Variants in BMAL1 observed in about 807,000 individuals in gnomAD.
BMAL1 encodes the protein basic helix-loop-helix ARNT-like protein 1.
the BMAL1 span, among the ~76,000 whole-genome samples, chr11:13,317,501 T>C: frequency 6.6e-6 from 1 of 152,236 alleles, no homozygotes; most frequent in South Asian, 2.1e-4. Flanking sequence ...ATTATTTCAA[T>C]GGTCACTATT....
the BMAL1 span, chr11:13,366,673 G>C: frequency 6.2e-7 from 1 of 1,613,536 alleles, no homozygotes; most frequent in Non-Finnish European, 8.5e-7. Flanking sequence ...AGAATGATCT[G>C]ATTGGTCAGA....
At chr11:13,369,792 AC>A in the BMAL1 span, 1 of 1,599,604 alleles carries the variant, frequency 6.3e-7, no homozygotes, top group Non-Finnish European at 8.5e-7. Context: ...GTCCATTAAA[AC>A]CCTGTGACAG....
chr11:13,277,326 C>T, the BMAL1 span, among the ~76,000 whole-genome samples: 3 of 152,112 alleles, frequency 2.0e-5, no homozygotes, highest in Admixed American at 6.5e-5. Context: ...GGCAGGGGAC[C>T]CAGAGAAGAG....
chr11:13,283,664 A>G, the BMAL1 span, among the ~76,000 whole-genome samples: 6 of 152,132 alleles, frequency 3.9e-5, no homozygotes, highest in South Asian at 2.1e-4. Context: ...GCTGACAGCA[A>G]TTGGGAACCA....
At chr11:13,336,897 C>T in the BMAL1 span, among the ~76,000 whole-genome samples, 1 of 152,158 alleles carries the variant, frequency 6.6e-6, no homozygotes, top group South Asian at 2.1e-4. Flanking sequence ...TGTGTGATTT[C>T]CCTGTCCTTT....
At chr11:13,386,762 A>G in the BMAL1 span, 1 of 1,612,758 alleles carries the variant, frequency 6.2e-7, no homozygotes, top group African/African-American at 1.3e-5. Flanking sequence ...TGTAAACACT[A>G]CATGTTGCTT....
At chr11:13,337,174 C>T in the BMAL1 span, among the ~76,000 whole-genome samples, 2 of 152,122 alleles carry the variant, frequency 1.3e-5, no homozygotes, top group Non-Finnish European at 2.9e-5. Flanking sequence ...ATAAATAATT[C>T]ATGTCCAATA....
the BMAL1 span, among the ~76,000 whole-genome samples, chr11:13,342,641 G>A: frequency 6.6e-6 from 1 of 150,680 alleles, no homozygotes; most frequent in East Asian, 2.0e-4. Flanking sequence ...TTTGGCCCCT[G>A]ATTTTTTCCC....
At chr11:13,312,104 A>G in the BMAL1 span, among the ~76,000 whole-genome samples, 498 of 152,346 alleles carry the variant, frequency 3.3e-3, 3 homozygotes, top group African/African-American at 0.011. Context: ...CAAAAGCAAC[A>G]GTTGTAACTG....
At chr11:13,318,058 C>T in the BMAL1 span, among the ~76,000 whole-genome samples, 7 of 152,242 alleles carry the variant, frequency 4.6e-5, no homozygotes, top group Non-Finnish European at 8.8e-5. Flanking sequence ...TGTGGCAGTG[C>T]GGAAGAGTGG....
At chr11:13,284,077 G>GGTGT in the BMAL1 span, among the ~76,000 whole-genome samples, 2,553 of 85,562 alleles carry the variant, frequency 0.03, 263 homozygotes, top group African/African-American at 0.12. Flanking sequence ...ACAGTGTTGG[G>GGTGT]GTGTGTGTGT....
chr11:13,348,387 A>C, the BMAL1 span, among the ~76,000 whole-genome samples: 1 of 152,132 alleles, frequency 6.6e-6, no homozygotes, highest in Non-Finnish European at 1.5e-5. Context: ...CAGTGGTCTG[A>C]GCAAGGGGGT....
chr11:13,366,229 C>T, the BMAL1 span, among the ~76,000 whole-genome samples: 2 of 152,140 alleles, frequency 1.3e-5, no homozygotes, highest in South Asian at 2.1e-4. Flanking sequence ...AAGATTTCTG[C>T]TCTTTTTAGT....
At chr11:13,363,313 G>A in the BMAL1 span, among the ~76,000 whole-genome samples, 2 of 152,058 alleles carry the variant, frequency 1.3e-5, no homozygotes, top group East Asian at 1.9e-4. Context: ...ACTTACCAGG[G>A]TATGGAACAA....
the BMAL1 span, among the ~76,000 whole-genome samples, chr11:13,331,889 C>T: frequency 8.5e-5 from 13 of 152,108 alleles, no homozygotes; most frequent in African/African-American, 3.1e-4. Flanking sequence ...ACTGTGAAAG[C>T]CTCTGGAGAA....
the BMAL1 span, chr11:13,356,304 T>A: frequency 2.2e-6 from 1 of 461,284 alleles, no homozygotes; most frequent in South Asian, 1.5e-5. Flanking sequence ...GCCAAATAGA[T>A]ATGTATGCAC....
the BMAL1 span, among the ~76,000 whole-genome samples, chr11:13,288,364 C>G: frequency 1.1e-5 from 1 of 92,650 alleles, no homozygotes; most frequent in African/African-American, 3.9e-5. Context: ...TCTCTAGATG[C>G]AGGATTTGGG....
chr11:13,378,943 C>G, the BMAL1 span: 1 of 153,322 alleles, frequency 6.5e-6, no homozygotes, highest in Non-Finnish European at 1.5e-5. Flanking sequence ...AGCAGATCAG[C>G]TAGTTATTAC....
chr11:13,382,555 C>T, the BMAL1 span, among the ~76,000 whole-genome samples: 2 of 151,766 alleles, frequency 1.3e-5, no homozygotes, highest in Non-Finnish European at 2.9e-5. Context: ...GTCTTCTTAG[C>T]TGTTCTTCTG....
Sources: gnomAD v4.1 joint callset for allele counts (sites outside exome capture counted in the v4.1 genomes callset) on GRCh38, gnomAD v4.1.1 for gene constraint, MANE v1.5 for transcripts, NCBI Gene and HGNC (gene_info 2026-07-23, HGNC 2026-07-21) for gene names.